Variants in FSTL4 observed in about 807,000 individuals in gnomAD.
The protein encoded by FSTL4 is follistatin-related protein 4.
Under a neutral mutation model 78.2 loss-of-function variants are expected in FSTL4, and 28 were observed. The ratio of observed to expected loss-of-function variants is 0.36; its 90% CI spans 0.27 to 0.49. The LOEUF is 0.49. Among genes scored for constraint, FSTL4 ranks in the 20% least tolerant of loss-of-function variants. The pLI is 0.98. For synonymous variants in FSTL4, 422 were observed against 440.5 expected (o/e 0.96, Z 0.53); for missense variants, 922 against 1,084.9 (o/e 0.85, Z 2.11).
chr5:133,208,887 T>C (rs1049443929), intron 14 of FSTL4, among the ~76,000 whole-genome samples: 2 of 152,146 alleles, frequency 1.3e-5, no homozygotes, highest in African/African-American at 4.8e-5. Context: ...GCCAGGCTGG[T>C]TTCAAATGCC....
At chr5:133,793,650 G>GCTGCTTAA in the FSTL4 span, among the ~76,000 whole-genome samples, 1 of 152,224 alleles carries the variant, frequency 6.6e-6, no homozygotes, top group East Asian at 1.9e-4. Context: ...GCACACAGCA[G>GCTGCTTAA]CTGCTTAAGC....
chr5:133,550,998 C>T (rs1759681606), intron 3 of FSTL4, among the ~76,000 whole-genome samples: 1 of 152,216 alleles, frequency 6.6e-6, no homozygotes, highest in Non-Finnish European at 1.5e-5. Context: ...CATCTTGCTC[C>T]TCTCCTCCTT....
chr5:133,709,564 C>T, the FSTL4 span, among the ~76,000 whole-genome samples: 1 of 152,256 alleles, frequency 6.6e-6, no homozygotes, highest in African/African-American at 2.4e-5. Context: ...AGCAATGGCT[C>T]GGGCCACTCT....
At chr5:133,314,392 C>T (rs995378872) in intron 5 of FSTL4, among the ~76,000 whole-genome samples, 9 of 152,200 alleles carry the variant, frequency 5.9e-5, no homozygotes, top group African/African-American at 9.6e-5. Flanking sequence ...AATGGGCTTG[C>T]GCGAGCCACT....
the FSTL4 span, among the ~76,000 whole-genome samples, chr5:133,643,130 AGAGTGTGCATAGGTTT>A: frequency 6.6e-6 from 1 of 152,228 alleles, no homozygotes; most frequent in Non-Finnish European, 1.5e-5. Flanking sequence ...AGGATGCAGA[AGAGTGTGCATAGGTTT>A]GAACTCAGCT....
At chr5:133,223,107 T>G (rs2126791066) in intron 11 of FSTL4, among the ~76,000 whole-genome samples, 1 of 152,240 alleles carries the variant, frequency 6.6e-6, no homozygotes, top group African/African-American at 2.4e-5. Context: ...TGTAGTAACC[T>G]CCCCTAAGGA....
intron 3 of FSTL4, among the ~76,000 whole-genome samples, chr5:133,454,593 AG>A (rs1757446721): frequency 6.6e-6 from 1 of 152,230 alleles, no homozygotes; most frequent in South Asian, 2.1e-4. Flanking sequence ...CTGCCCTCAA[AG>A]GCGGCATTTC....
intron 3 of FSTL4, among the ~76,000 whole-genome samples, chr5:133,439,910 A>T (rs1231998482): frequency 6.6e-6 from 1 of 152,074 alleles, no homozygotes; most frequent in African/African-American, 2.4e-5. Flanking sequence ...TCACTTCCTC[A>T]GTAGTAGGCA....
chr5:133,717,744 T>G, the FSTL4 span, among the ~76,000 whole-genome samples: 1 of 152,252 alleles, frequency 6.6e-6, no homozygotes, highest in Non-Finnish European at 1.5e-5. Context: ...TGTCATTACA[T>G]CTATCAGTAG....
At chr5:133,518,155 A>G (rs1022323381) in intron 3 of FSTL4, among the ~76,000 whole-genome samples, 3 of 152,238 alleles carry the variant, frequency 2.0e-5, no homozygotes, top group African/African-American at 4.8e-5. Context: ...AACATTTTTG[A>G]CTAAATAAAC....
At chr5:133,373,209 T>C (rs1755354412) in intron 4 of FSTL4, among the ~76,000 whole-genome samples, 1 of 152,256 alleles carries the variant, frequency 6.6e-6, no homozygotes, top group South Asian at 2.1e-4. Flanking sequence ...AAATGGACTA[T>C]TCTAATCCCT....
chr5:133,687,807 A>C, the FSTL4 span, among the ~76,000 whole-genome samples: 7 of 152,238 alleles, frequency 4.6e-5, no homozygotes, highest in Admixed American at 3.9e-4. Context: ...CTTGCACCAC[A>C]ACTTGGGCAC....
the FSTL4 span, among the ~76,000 whole-genome samples, chr5:133,702,576 TCCTTCAACA>T: frequency 1.3e-5 from 2 of 152,142 alleles, no homozygotes; most frequent in African/African-American, 4.8e-5. Flanking sequence ...TCCTCCATCA[TCCTTCAACA>T]CCACTTACCA....
At chr5:133,370,131 C>A (rs1051253515) in intron 4 of FSTL4, among the ~76,000 whole-genome samples, 2 of 152,198 alleles carry the variant, frequency 1.3e-5, no homozygotes, top group African/African-American at 4.8e-5. Context: ...GTCATAGCCC[C>A]ACAACCTTCA....
chr5:133,679,963 T>A, the FSTL4 span, among the ~76,000 whole-genome samples: 2 of 152,182 alleles, frequency 1.3e-5, no homozygotes, highest in African/African-American at 2.4e-5. Context: ...AGGATGCACA[T>A]GTGGCCATGG....
In FSTL4 at chr5:133,448,065, G is replaced by A. The variant is rs556879684; in HGVS notation, c.161-47079C>T. 8.5e-5 allele frequency among the ~76,000 whole-genome samples: 13 copies of A among 152,298 alleles called. No individual in the cohort carries two copies. In the South Asian group the frequency reaches 2.3e-3, roughly 27 times the overall value. On this transcript the variant is annotated intron_variant, in intron 3 of 15. Coordinates refer to ENST00000265342, the MANE Select transcript of FSTL4 (RefSeq NM_015082.2). Reference sequence around the variant, plus strand: ...TTTCACATTTAGCATGAAAGTAGCCGTGGTTTAGTCTTTGCTCACACTTGA... The same window carrying A: ...TTTCACATTTAGCATGAAAGTAGCCATGGTTTAGTCTTTGCTCACACTTGA...
chr5:133,291,834 T>A (rs1471008144), intron 6 of FSTL4, among the ~76,000 whole-genome samples: 1 of 151,970 alleles, frequency 6.6e-6, no homozygotes, highest in Admixed American at 6.6e-5. Context: ...ATGGAGTTGA[T>A]GAGAAGAGCC....
At chr5:133,562,395 C>T (rs1354138983) in intron 3 of FSTL4, among the ~76,000 whole-genome samples, 3 of 152,176 alleles carry the variant, frequency 2.0e-5, no homozygotes, top group African/African-American at 4.8e-5. Flanking sequence ...TATAAAGGGG[C>T]TATTGGAGGC....
intron 4 of FSTL4, among the ~76,000 whole-genome samples, chr5:133,398,607 G>A (rs1326824505): frequency 6.6e-6 from 1 of 152,218 alleles, no homozygotes; most frequent in East Asian, 1.9e-4. Flanking sequence ...CAGGTCTCAT[G>A]AACACCAAAT....
Sources: allele counts gnomAD v4.1 joint callset (sites outside exome capture counted in the v4.1 genomes callset), GRCh38; gene constraint gnomAD v4.1.1; transcripts MANE v1.5; gene names NCBI Gene and HGNC (gene_info 2026-07-23, HGNC 2026-07-21).